The following PPP2R2C variants were observed in gnomAD, a reference collection of about 807,000 sequenced individuals.
PPP2R2C encodes protein phosphatase 2 regulatory subunit Bgamma.
Under a neutral mutation model 45.3 loss-of-function variants are expected in PPP2R2C, and 10 were observed. The ratio of observed to expected loss-of-function variants is 0.22; its 90% CI spans 0.14 to 0.37. The LOEUF (loss-of-function observed/expected upper bound fraction) is 0.37, where lower values mean the gene tolerates loss of function less well. Among genes scored for constraint, PPP2R2C ranks in the 10% least tolerant of loss-of-function variants. The pLI is 1.00. For missense variants in PPP2R2C, 308 were observed against 619.7 expected (o/e 0.50, Z 5.34); for synonymous variants, 257 against 245.4 (o/e 1.05, Z -0.44).
At chr4:6,442,203 C>T (rs1166404293) in intron 1 of PPP2R2C, among the ~76,000 whole-genome samples, 2 of 152,242 alleles carry the variant, frequency 1.3e-5, no homozygotes, top group Non-Finnish European at 2.9e-5. Flanking sequence ...TCTCAGCACA[C>T]AGGCCAGGTT....
At chr4:6,538,191 G>T (rs973902639) in intron 1 of PPP2R2C, among the ~76,000 whole-genome samples, 2 of 151,796 alleles carry the variant, frequency 1.3e-5, no homozygotes, top group African/African-American at 4.8e-5. Flanking sequence ...TCTTCCCAAC[G>T]GCCCACTGAG....
At chr4:6,356,405 A>G (rs986101506) in intron 5 of PPP2R2C, among the ~76,000 whole-genome samples, 1 of 152,072 alleles carries the variant, frequency 6.6e-6, no homozygotes, top group African/African-American at 2.4e-5. Context: ...GGACAAGGAG[A>G]GAAGGGTCAG....
At chr4:6,561,459 G>A (rs1313541258) in intron 1 of PPP2R2C, among the ~76,000 whole-genome samples, 1 of 152,100 alleles carries the variant, frequency 6.6e-6, no homozygotes, top group African/African-American at 2.4e-5. Flanking sequence ...GCTGGTCCTG[G>A]GTCGGAAGGA....
chr4:6,376,231 T>A (rs1560494746), intron 3 of PPP2R2C, among the ~76,000 whole-genome samples: 1 of 152,186 alleles, frequency 6.6e-6, no homozygotes. Context: ...CCCTGACTAC[T>A]ACAGGAGTCA....
At chr4:6,372,415 C>A in intron 5 of PPP2R2C, 108 bp downstream of exon 5, 1 of 1,229,888 alleles carries the variant, frequency 8.1e-7, no homozygotes, top group Middle Eastern at 2.2e-4. Context: ...AGAAGTTAAA[C>A]AATGCAGCCA....
intron 5 of PPP2R2C, among the ~76,000 whole-genome samples, chr4:6,363,237 T>TG (rs1713974223): frequency 1.3e-5 from 2 of 152,122 alleles, no homozygotes; most frequent in East Asian, 3.9e-4. Context: ...CCCTCTCTTC[T>TG]GGGGAGGGGA....
chr4:6,531,052 C>T (rs1724379864), intron 2 of PPP2R2C, among the ~76,000 whole-genome samples: 1 of 152,208 alleles, frequency 6.6e-6, no homozygotes, highest in Admixed American at 6.5e-5. Flanking sequence ...GCCAGCTTGG[C>T]ATCCCCAAGA....
chr4:6,407,821 G>A (rs16838740), intron 1 of PPP2R2C, among the ~76,000 whole-genome samples: 43,588 of 152,136 alleles, frequency 0.29, 6,787 homozygotes, highest in East Asian at 0.68. Flanking sequence ...ACAAAGTAAA[G>A]CCATCATTTA....
chr4:6,522,583 G>A lies in PPP2R2C; in HGVS notation c.49+12688C>T, dbSNP rs866973299. Among the ~76,000 whole-genome samples, 4 of 152,380 alleles carry A rather than the reference G, an allele frequency of 2.6e-5. No homozygotes were observed. The South Asian group carries it at 8.3e-4, about 32-fold the overall frequency. ...GGCCCCCGGAGTCACCGGGCATGGT[G>A]GATTCCCCCACAGGAACCACATTGA... On this transcript the variant is annotated intron_variant, in intron 2 of 9. Coordinates refer to the PPP2R2C transcript ENST00000506140.
At chr4:6,505,614 A>T (rs1313139093) in intron 2 of PPP2R2C, among the ~76,000 whole-genome samples, 4 of 152,256 alleles carry the variant, frequency 2.6e-5, no homozygotes, top group African/African-American at 9.6e-5. Context: ...CATTAAAAAC[A>T]TAATGCAGAG....
chr4:6,350,402 A>T, intron 5 of PPP2R2C: 8 of 985,430 alleles, frequency 8.1e-6, no homozygotes, highest in Non-Finnish European at 9.6e-6. Flanking sequence ...CGGCCCATGG[A>T]TAATGTGCAG....
At chr4:6,502,542 CTTCCTTCCTTT>C (rs1723094114) in intron 2 of PPP2R2C, among the ~76,000 whole-genome samples, 2 of 151,872 alleles carry the variant, frequency 1.3e-5, no homozygotes, top group South Asian at 4.2e-4. Flanking sequence ...TGCTTCCTTC[CTTCCTTCCTTT>C]TTCCTTCCTT....
rs1443323729 is a variant in PPP2R2C at position 6,368,731 on chromosome 4, T to A, written c.625+3792A>T. Reference sequence around the variant, plus strand: ...TCATTCCTCCACCGCCTCCCACCCGTGGCCACGCTCTGGCCCTGCCTCTCA... The same window carrying A: ...TCATTCCTCCACCGCCTCCCACCCGAGGCCACGCTCTGGCCCTGCCTCTCA... On this transcript the variant is annotated intron_variant, in intron 5 of 8. Coordinates refer to ENST00000382599, the MANE Select transcript of PPP2R2C (RefSeq NM_020416.4). The surrounding 1 kb of genome is among the most constrained non-coding windows in gnomAD (Gnocchi z 4.2). 1.3e-5 allele frequency among the ~76,000 whole-genome samples: 2 copies of A among 152,150 alleles called. No homozygotes were observed. The highest frequency in any genetic ancestry group is 1.3e-4 in the Admixed American group (2 of 15,268).
At chr4:6,543,315 A>C (rs374810627) in intron 1 of PPP2R2C, among the ~76,000 whole-genome samples, 10 of 152,100 alleles carry the variant, frequency 6.6e-5, no homozygotes, top group South Asian at 2.1e-4. Flanking sequence ...GCACGTCCTA[A>C]TCGACACCCC....
chr4:6,547,513 C>G (rs1725026263), intron 1 of PPP2R2C, among the ~76,000 whole-genome samples: 1 of 152,138 alleles, frequency 6.6e-6, no homozygotes, highest in South Asian at 2.1e-4. Flanking sequence ...CCCACCTCAC[C>G]AATAACCAAG....
Position 6,331,424 on chromosome 4 carries a change from G to A in PPP2R2C, c.961-2071C>T, listed in dbSNP as rs1390205350. Reference sequence around the variant, plus strand: ...CATATTATGGACTTACCTCAGTGTGGCTCATTCAACAACCGTCCCCAGCCC... The same window carrying A: ...CATATTATGGACTTACCTCAGTGTGACTCATTCAACAACCGTCCCCAGCCC... On this transcript the variant is annotated intron_variant, in intron 7 of 8. Transcript: ENST00000382599. The surrounding 1 kb of genome is among the most constrained non-coding windows in gnomAD (Gnocchi z 5.9). Among the ~76,000 whole-genome samples, 1 of 152,056 alleles carries A rather than the reference G, an allele frequency of 6.6e-6. No homozygotes were observed. Among genetic ancestry groups the A allele is most frequent in the East Asian group, 1.9e-4 (1 of 5,166 alleles).
intron 5 of PPP2R2C, among the ~76,000 whole-genome samples, chr4:6,360,333 G>A (rs1366508330): frequency 6.6e-6 from 1 of 152,258 alleles, no homozygotes; most frequent in African/African-American, 2.4e-5. Context: ...GCACCCCAAG[G>A]ACCCTGATGC....
At chr4:6,395,572 G>A (rs754381538) in intron 1 of PPP2R2C, among the ~76,000 whole-genome samples, 18 of 152,336 alleles carry the variant, frequency 1.2e-4, no homozygotes, top group Non-Finnish European at 1.8e-4. Context: ...GGGGTAGGGT[G>A]TGGGCAGAGG....
chr4:6,495,259 G>A (rs1722842189), intron 2 of PPP2R2C, among the ~76,000 whole-genome samples: 1 of 152,232 alleles, frequency 6.6e-6, no homozygotes, highest in African/African-American at 2.4e-5. Context: ...GTGACATCAA[G>A]CCATCGTCGG....
Sources: allele counts gnomAD v4.1 joint callset (sites outside exome capture counted in the v4.1 genomes callset), GRCh38; gene constraint gnomAD v4.1.1; non-coding constraint Gnocchi (gnomAD v3.1); transcripts MANE v1.5; gene names NCBI Gene and HGNC (gene_info 2026-07-23, HGNC 2026-07-21).